The following PHEX variants were observed in gnomAD, a reference collection of about 807,000 sequenced individuals.
The protein encoded by PHEX is phosphate-regulating neutral endopeptidase PHEX.
A neutral mutation model predicts 68.0 loss-of-function variants in PHEX; 16 were observed. The observed-to-expected ratio is 0.24, with a 90% confidence interval of 0.16 to 0.36. The LOEUF (loss-of-function observed/expected upper bound fraction) is 0.36. Among genes scored for constraint, PHEX ranks in the 10% least tolerant of loss-of-function variants. The pLI, the probability that PHEX is intolerant of heterozygous loss-of-function variation, is 1.00. For missense variants in PHEX, 480 were observed against 575.5 expected, an observed-to-expected ratio of 0.83 and a Z score of 1.70; for synonymous variants, 208 against 205.1, an observed-to-expected ratio of 1.01 and a Z score of -0.12.
chrX:22,087,964 C>G (rs1187868986), intron 5 of PHEX, among the ~76,000 whole-genome samples: 2 of 111,592 alleles, frequency 1.8e-5, no homozygotes, highest in African/African-American at 6.5e-5. Flanking sequence ...TAAGTTTTGA[C>G]AAATGCATAG....
intron 9 of PHEX, among the ~76,000 whole-genome samples, chrX:22,104,114 A>G (rs754647379): frequency 9.0e-5 from 10 of 111,428 alleles, no homozygotes; most frequent in Admixed American, 3.8e-4. Flanking sequence ...AGAATTGTCT[A>G]TTCATGTCTT....
At chrX:22,242,575 C>A (rs1459196574) in intron 20 of PHEX, among the ~76,000 whole-genome samples, 1 of 112,021 alleles carries the variant, frequency 8.9e-6, no homozygotes, top group African/African-American at 3.3e-5. Flanking sequence ...GCAACTTCAG[C>A]AAAGTCTCAG....
chrX:22,221,642 G>T lies in PHEX; in HGVS notation c.1798G>T (p.Asp600Tyr), dbSNP rs1352160426. 3 of 1,199,577 alleles carry T rather than the reference G, an allele frequency of 2.5e-6. No individual in the cohort carries two copies. Among genetic ancestry groups the T allele is most frequent in the Middle Eastern group, 2.3e-4 (1 of 4,344 alleles). ...GRKYDKNGNLDPWWSTESEEK... is the reference protein window; with the variant it reads ...GRKYDKNGNLYPWWSTESEEK... ...AAAATATGATAAAAATGGAAACCTG[G>T]ATCCTTGGTGGTCTACTGAATCAGA... The change falls in exon 18 of 22, where the codon GAT becomes TAT. Residue 600 changes from aspartate to tyrosine, a missense_variant. Physicochemically the swap from Asp to Tyr is radical, Grantham distance 160. Transcript: ENST00000379374.
chrX:22,091,211 A>C (rs952915696), intron 6 of PHEX, among the ~76,000 whole-genome samples: 2 of 111,835 alleles, frequency 1.8e-5, no homozygotes, highest in Admixed American at 9.5e-5. Context: ...GAGGGAAGCT[A>C]ACTAAGATGC....
intron 15 of PHEX, among the ~76,000 whole-genome samples, chrX:22,197,518 T>C (rs1934404479): frequency 9.0e-6 from 1 of 110,908 alleles, no homozygotes; most frequent in African/African-American, 3.3e-5. Flanking sequence ...TGGGGCCCCC[T>C]GCTCATTAGG....
At chrX:22,106,435 G>A (rs962054847) in intron 9 of PHEX, among the ~76,000 whole-genome samples, 1 of 111,643 alleles carries the variant, frequency 9.0e-6, no homozygotes, top group Non-Finnish European at 1.9e-5. Flanking sequence ...CTTTGTTGGA[G>A]TGTTTTGGGG....
intron 20 of PHEX, among the ~76,000 whole-genome samples, chrX:22,228,875 C>T (rs1040254427): frequency 5.4e-5 from 6 of 111,455 alleles, no homozygotes; most frequent in Non-Finnish European, 9.4e-5. Context: ...TATAGCTCTT[C>T]TAGCCCCCAA....
rs773291977 is a variant in PHEX, at chrX:22,219,078, A to G, written c.1743A>G (p.Glu581=). Residue 581 remains glutamate (E), a synonymous_variant, in exon 17 of 22, where the codon GAA becomes GAG. Coordinates refer to ENST00000379374, the MANE Select transcript of PHEX (RefSeq NM_000444.6). The part of the protein sequence containing the change: ...YGAIGVIVGH[E]FTHGFDNNGR... ...CTATAGGAGTAATTGTCGGACATGA[A>G]TTTACACATGGATTTGATAATAATG... 1.7e-6 allele frequency: 2 copies of G among 1,180,068 alleles called. No homozygotes were observed. Among genetic ancestry groups the G allele is most frequent in the Admixed American group, 4.3e-5 (2 of 46,069 alleles).
At chrX:22,062,825 A>G (rs749561364) in intron 3 of PHEX, among the ~76,000 whole-genome samples, 3 of 109,311 alleles carry the variant, frequency 2.7e-5, no homozygotes, top group Non-Finnish European at 5.7e-5. Flanking sequence ...CAGTGGTGTG[A>G]TCTCGGCTCA....
intron 20 of PHEX, among the ~76,000 whole-genome samples, chrX:22,237,792 A>G (rs1936033887): frequency 9.0e-6 from 1 of 111,392 alleles, no homozygotes; most frequent in Non-Finnish European, 1.9e-5. Flanking sequence ...TTCCCCCTCC[A>G]CTTAGAATAT....
intron 18 of PHEX, among the ~76,000 whole-genome samples, chrX:22,223,859 T>C (rs768814270): frequency 1.8e-5 from 2 of 112,704 alleles, no homozygotes; most frequent in Admixed American, 9.3e-5. Context: ...GAAAGTAGCA[T>C]ATTAGGAAGC....
intron 2 of PHEX, among the ~76,000 whole-genome samples, chrX:22,046,162 GCTGGCTTGGTTCTT>G (rs1927518153): frequency 8.9e-6 from 1 of 112,153 alleles, no homozygotes; most frequent in African/African-American, 3.2e-5. Flanking sequence ...TGGCAGTTGT[GCTGGCTTGGTTCTT>G]CTCTATGTGT....
At chrX:22,244,710 C>T (rs1261019253) in intron 20 of PHEX, among the ~76,000 whole-genome samples, 1 of 111,843 alleles carries the variant, frequency 8.9e-6, no homozygotes. Context: ...GTGCACTGGC[C>T]GTTAGTGTAG....
In PHEX at chrX:22,096,994, T is replaced by C; in HGVS notation, c.889T>C (p.Tyr297His). Residue 297 changes from tyrosine to histidine, a missense_variant, in exon 8 of 22, where the codon TAC becomes CAC. Physicochemically the swap from Tyr to His is moderately conservative, Grantham distance 83 (BLOSUM62 2). Transcript: ENST00000379374. ...PHENRTSEAM[Y>H]NKMNISELSA... ...TGAAAACCGAACCAGCGAGGCCATG[T>C]ACAACAAAATGAACATTTCTGAACT... 1 of 1,206,022 alleles carries C rather than the reference T, an allele frequency of 8.3e-7. No individual in the cohort carries two copies. The highest frequency in any genetic ancestry group is 1.1e-6 in the Non-Finnish European group (1 of 890,145).
intron 5 of PHEX, among the ~76,000 whole-genome samples, chrX:22,084,924 C>CA (rs750534711): frequency 2.2e-4 from 24 of 107,115 alleles, no homozygotes; most frequent in East Asian, 2.9e-4. Context: ...TGTTGATTTT[C>CA]AAAAAAAAAG....
intron 12 of PHEX, among the ~76,000 whole-genome samples, chrX:22,158,443 A>G (rs1933015002): frequency 8.9e-6 from 1 of 111,917 alleles, no homozygotes; most frequent in African/African-American, 3.3e-5. Flanking sequence ...GGTTAAATTA[A>G]TAAAAAAGAA....
intron 12 of PHEX, among the ~76,000 whole-genome samples, chrX:22,139,884 G>A (rs965786323): frequency 4.5e-5 from 5 of 110,604 alleles, no homozygotes; most frequent in South Asian, 3.9e-4. Flanking sequence ...ATATCTTACC[G>A]GAGTGATTTT....
intron 15 of PHEX, among the ~76,000 whole-genome samples, chrX:22,202,237 A>C (rs1171442695): frequency 8.9e-6 from 1 of 111,985 alleles, no homozygotes. Flanking sequence ...CAAGTCATCG[A>C]GTGTAGTGTT....
chrX:22,245,622 C>T (rs1256443266), intron 21 of PHEX, among the ~76,000 whole-genome samples: 1 of 111,991 alleles, frequency 8.9e-6, no homozygotes, highest in African/African-American at 3.2e-5. Flanking sequence ...TCAGCACTCT[C>T]TCACCTGAAT....
Sources: gnomAD v4.1 joint callset for allele counts (sites outside exome capture counted in the v4.1 genomes callset) on GRCh38, gnomAD v4.1.1 for gene constraint, MANE v1.5 for transcripts, NCBI Gene and HGNC (gene_info 2026-07-23, HGNC 2026-07-21) for gene names.